Variants in RBFOX3 observed in about 807,000 individuals in gnomAD.
The protein encoded by RBFOX3 is RNA binding protein fox-1 homolog 3.
Under a neutral mutation model 48.7 loss-of-function variants are expected in RBFOX3, and 17 were observed. The ratio of observed to expected loss-of-function variants is 0.35; its 90% CI spans 0.24 to 0.52. RBFOX3 has a LOEUF of 0.52. Among genes scored for constraint, RBFOX3 ranks in the 20% least tolerant of loss-of-function variants. The pLI is 0.94. For missense variants in RBFOX3, 382 were observed against 497.5 expected, an observed-to-expected ratio of 0.77 and a Z score of 2.21; for synonymous variants, 212 against 209.5, an observed-to-expected ratio of 1.01 and a Z score of -0.10.
chr17:79,502,554 C>T (rs1399832837), intron 1 of RBFOX3, among the ~76,000 whole-genome samples: 1 of 152,224 alleles, frequency 6.6e-6, no homozygotes, highest in Non-Finnish European at 1.5e-5. Context: ...TAATGTTTCA[C>T]CATGATACAA....
At chr17:79,313,843 G>T (rs1230894790) in intron 2 of RBFOX3, among the ~76,000 whole-genome samples, 2 of 152,168 alleles carry the variant, frequency 1.3e-5, no homozygotes, top group Admixed American at 1.3e-4. Context: ...ACCCCCACAA[G>T]ACAAGAGGCT....
chr17:79,555,611 C>CAGT (rs1164308274), intron 1 of RBFOX3, among the ~76,000 whole-genome samples: 1 of 1,258 alleles, frequency 7.9e-4, no homozygotes, highest in Non-Finnish European at 1.6e-3. Context: ...GTGGTGATGG[C>CAGT]GGTGGTGGTG....
intron 1 of RBFOX3, among the ~76,000 whole-genome samples, chr17:79,515,386 C>T (rs1307453268): frequency 2.0e-5 from 3 of 152,160 alleles, no homozygotes; most frequent in African/African-American, 2.4e-5. Context: ...ACGCAGCTCC[C>T]GGCCATGTGT....
chr17:79,478,208 C>G (rs1350353057), intron 2 of RBFOX3, among the ~76,000 whole-genome samples: 1 of 152,192 alleles, frequency 6.6e-6, no homozygotes, highest in Non-Finnish European at 1.5e-5. Context: ...AACAAGCAGA[C>G]AAGAGACGGG....
At chr17:79,179,933 C>T (rs915398341) in intron 4 of RBFOX3, among the ~76,000 whole-genome samples, 4 of 152,166 alleles carry the variant, frequency 2.6e-5, no homozygotes, top group African/African-American at 7.2e-5. Flanking sequence ...GGAGCTAGGC[C>T]GGCGCCCAAG....
At chr17:79,570,961 G>T (rs2092656303) in intron 1 of RBFOX3, among the ~76,000 whole-genome samples, 1 of 152,326 alleles carries the variant, frequency 6.6e-6, no homozygotes, top group African/African-American at 2.4e-5. Context: ...AGGATGAGGG[G>T]GGGCCCCCGG....
At chr17:79,545,856 G>A (rs978500779) in intron 1 of RBFOX3, among the ~76,000 whole-genome samples, 6 of 152,172 alleles carry the variant, frequency 3.9e-5, no homozygotes, top group Admixed American at 2.6e-4. Flanking sequence ...AGCTCACTCG[G>A]CTCACTCCAT....
intron 5 of RBFOX3, among the ~76,000 whole-genome samples, chr17:79,107,177 C>G (rs1460157139): frequency 6.6e-6 from 1 of 152,210 alleles, no homozygotes; most frequent in Non-Finnish European, 1.5e-5. Context: ...CTGAGGACCC[C>G]ACTGTCTTTC....
intron 3 of RBFOX3, among the ~76,000 whole-genome samples, chr17:79,261,986 G>A (rs1278929656): frequency 2.0e-5 from 3 of 152,328 alleles, no homozygotes; most frequent in South Asian, 4.1e-4. Flanking sequence ...GCTGGGCATC[G>A]GGATCCTTCA....
chr17:79,288,357 TC>T (rs770807030), intron 3 of RBFOX3, among the ~76,000 whole-genome samples: 3 of 152,218 alleles, frequency 2.0e-5, no homozygotes, highest in East Asian at 3.9e-4. Flanking sequence ...CGGAGATAGA[TC>T]CCATCTGTCT....
At chr17:79,645,040 A>G in the RBFOX3 span, among the ~76,000 whole-genome samples, 1 of 152,150 alleles carries the variant, frequency 6.6e-6, no homozygotes, top group African/African-American at 2.4e-5. Context: ...TCTAGCAGTA[A>G]ACTTGTGCTG....
At chr17:79,266,795 C>T (rs934215931) in intron 3 of RBFOX3, among the ~76,000 whole-genome samples, 1 of 152,156 alleles carries the variant, frequency 6.6e-6, no homozygotes, top group African/African-American at 2.4e-5. Flanking sequence ...ATGGAGAAAG[C>T]TCTGGGCCCC....
intron 1 of RBFOX3, among the ~76,000 whole-genome samples, chr17:79,500,411 C>T (rs941909224): frequency 1.6e-4 from 24 of 152,032 alleles, no homozygotes; most frequent in African/African-American, 5.6e-4. Flanking sequence ...GCATGCACCA[C>T]CACGCCTGGC....
chr17:79,436,496 G>A (rs2069482511), intron 2 of RBFOX3, among the ~76,000 whole-genome samples: 1 of 152,238 alleles, frequency 6.6e-6, no homozygotes, highest in Admixed American at 6.5e-5. Context: ...GGCAGCTGGA[G>A]AGCTGGCAGA....
intron 13 of RBFOX3, among the ~76,000 whole-genome samples, chr17:79,095,292 G>C (rs147016946): frequency 0.018 from 2,681 of 152,264 alleles, 64 homozygotes; most frequent in African/African-American, 0.055. Flanking sequence ...TCTCCACCTG[G>C]GGTTTCCACA....
intron 2 of RBFOX3, among the ~76,000 whole-genome samples, chr17:79,425,580 G>T (rs368572731): frequency 6.6e-6 from 1 of 152,250 alleles, no homozygotes; most frequent in African/African-American, 2.4e-5. Context: ...GGCCATGGGG[G>T]TAAATAAAGA....
At chr17:79,380,808 A>ACCACACTTTCTAAACACCTCCAGCCTCCC (rs2059814691) in intron 2 of RBFOX3, among the ~76,000 whole-genome samples, 2 of 152,042 alleles carry the variant, frequency 1.3e-5, no homozygotes, top group African/African-American at 4.8e-5. Flanking sequence ...TCCAGCCTCC[A>ACCACACTTTCTAAACACCTCCAGCCTCCC]CCACACTTTC....
chr17:79,210,527 A>C (rs2058241528), intron 4 of RBFOX3, among the ~76,000 whole-genome samples: 1 of 152,220 alleles, frequency 6.6e-6, no homozygotes, highest in African/African-American at 2.4e-5. Flanking sequence ...GACAGGTAAG[A>C]TGATGCCAGA....
At chr17:79,383,946 CAG>C (rs1234083928) in intron 2 of RBFOX3, among the ~76,000 whole-genome samples, 1 of 152,102 alleles carries the variant, frequency 6.6e-6, no homozygotes, top group African/African-American at 2.4e-5. Flanking sequence ...GGGGGGCAAT[CAG>C]GGTATGTGGG....
Sources: gnomAD v4.1 joint callset for allele counts (sites outside exome capture counted in the v4.1 genomes callset) on GRCh38, gnomAD v4.1.1 for gene constraint, MANE v1.5 for transcripts, NCBI Gene and HGNC (gene_info 2026-07-23, HGNC 2026-07-21) for gene names.